Variants in C6orf132 observed in about 807,000 individuals in gnomAD.
C6orf132 encodes the protein chromosome 6 open reading frame 132.
A neutral mutation model predicts 65.3 loss-of-function variants in C6orf132; 43 were observed. The observed-to-expected ratio is 0.66, with a 90% confidence interval of 0.52 to 0.85. The LOEUF (loss-of-function observed/expected upper bound fraction) is 0.85, where lower values mean the gene tolerates loss of function less well. C6orf132 is among the 40% of genes least tolerant of loss of function. The pLI is 0.00. For synonymous variants in C6orf132, 631 were observed against 654.1 expected, an observed-to-expected ratio of 0.96 and a Z score of 0.54; for missense variants, 1,488 against 1,548.8, an observed-to-expected ratio of 0.96 and a Z score of 0.66.
chr6:42,118,666 C>T (rs1004176307), intron 2 of C6orf132, among the ~76,000 whole-genome samples: 2 of 152,046 alleles, frequency 1.3e-5, no homozygotes, highest in Non-Finnish European at 2.9e-5. Flanking sequence ...GGGCAGCCGG[C>T]CACAGCCACT....
chr6:42,119,275 A>AAAG (rs1562037439), intron 2 of C6orf132, among the ~76,000 whole-genome samples: 2 of 128,090 alleles, frequency 1.6e-5, no homozygotes, highest in Middle Eastern at 4.1e-3. Flanking sequence ...AAAAAAAAAA[A>AAAG]GGGAGAATTC....
At chr6:42,115,284 C>G (rs28870778) in intron 2 of C6orf132, among the ~76,000 whole-genome samples, 14,468 of 132,964 alleles carry the variant, frequency 0.11, 819 homozygotes, top group Middle Eastern at 0.14. Flanking sequence ...AGTAAGACTC[C>G]ATCTCAAAAA....
intron 2 of C6orf132, 85 bp from the exon 3 acceptor site, chr6:42,110,376 G>A (rs1766476096): frequency 3.7e-6 from 4 of 1,089,218 alleles, no homozygotes; most frequent in Non-Finnish European, 3.9e-6. Context: ...CCATTTTACT[G>A]CTTGAAAATC....
intron 1 of C6orf132, among the ~76,000 whole-genome samples, chr6:42,137,522 C>T (rs1766962979): frequency 1.3e-5 from 2 of 152,076 alleles, no homozygotes. Context: ...GGTCAGGAGA[C>T]CCAGGGAACA....
At position 42,106,224 on chromosome 6, in the gene C6orf132, A is replaced by T; in HGVS notation, c.1688T>A (p.Val563Glu). Residue 563 changes from valine (V) to glutamate (E), a missense_variant, in exon 4 of 5, where the codon GTG becomes GAG. By Grantham distance (121) the Val-to-Glu change is moderately radical. Transcript: ENST00000341865. ...CTCCAGCTCATTCCGGATCTGCCGC[A>T]CACTGGGAGTTGGAGAGTCTTGGGG... The part of the protein sequence containing the change: ...YIPQDSPTPS[V>E]RQIRNELEAR... 6.5e-7 allele frequency: 1 copy of T among 1,537,192 alleles called. No individual in the cohort carries two copies. The highest frequency in any genetic ancestry group is 1.4e-5 in the African/African-American group (1 of 73,168).
Position 42,105,475 on chromosome 6 carries a change from G to A in C6orf132, c.2437C>T (p.Pro813Ser), listed in dbSNP as rs991408405. Reference sequence around the variant, plus strand: ...TCAGTGGGCTGGGCCGAGGCAGGAGGCTTGGCTGGCAGCCCTGGGGGCTCC... The same window carrying A: ...TCAGTGGGCTGGGCCGAGGCAGGAGACTTGGCTGGCAGCCCTGGGGGCTCC... ...VKEPPGLPAK[P>S]PASAQPTDEL... The change falls in exon 4 of 5, where the codon CCT becomes TCT. Residue 813 changes from proline to serine, a missense_variant. Pro to Ser is a moderately conservative substitution (Grantham distance 74, BLOSUM62 -1). Transcript: ENST00000341865. The A allele has an allele frequency of 2.6e-6, 4 of 1,533,784 alleles. No individual in the cohort carries two copies. In the Admixed American group the frequency reaches 7.8e-5, roughly 30 times the overall value.
chr6:42,124,352 G>A lies in C6orf132; in HGVS notation c.252+4320C>T, dbSNP rs982033606. Among the ~76,000 whole-genome samples the A allele has an allele frequency of 2.6e-5, 4 of 152,318 alleles. No individual in the cohort carries two copies. The highest frequency in any genetic ancestry group is 1.9e-4 in the East Asian group (1 of 5,180). ...GAACTCTGGGGAAGGGGGCAGAAGC[G>A]CCTGTTGCTGCCTTGTCTCCTTCTC... On this transcript the variant is annotated intron_variant, in intron 2 of 4. Transcript: ENST00000341865. This position sits in a 1 kb window ranked among gnomAD's most constrained non-coding sequence, Gnocchi z 4.0.
At position 42,107,369 on chromosome 6, in the gene C6orf132, TGGGGGTTCCAGCAGCAGGGGAGGTGGTG is replaced by T; in HGVS notation, c.515_542del (p.Pro172HisfsTer44). The T allele has an allele frequency of 1.2e-5, 2 of 173,886 alleles. No homozygotes were observed. The highest frequency in any genetic ancestry group is 2.3e-5 in the Non-Finnish European group (2 of 86,798). The allele number at this position is 173,886 out of a possible 1,614,324, so 10.8% of individuals were successfully genotyped here. A position where few individuals can be genotyped will look rare whatever the true frequency, so the allele number is the denominator to read the frequency against. ...GAGGTGGGGCCATGCTGGGCGGGGG[TGGGGGTTCCAGCAGCAGGGGAGGTGGTG>T]GGGGTGCTGTGGAAGGTGGAGATGG... On this transcript the variant is annotated frameshift_variant, in exon 4 of 5. Transcript: ENST00000341865. LOFTEE classifies it high-confidence loss of function.
intron 2 of C6orf132, among the ~76,000 whole-genome samples, chr6:42,114,466 T>G (rs1260794500): frequency 6.6e-6 from 1 of 152,232 alleles, no homozygotes; most frequent in Non-Finnish European, 1.5e-5. Flanking sequence ...TACTTAGCTG[T>G]CCCTTTCACT....
In C6orf132 at chr6:42,106,293, GTC is replaced by G; in HGVS notation, c.1617_1618del (p.Glu539AspfsTer30). 1 of 1,536,728 alleles carries G rather than the reference GTC, an allele frequency of 6.5e-7. No homozygotes were observed. The highest frequency in any genetic ancestry group is 2.0e-5 in the Admixed American group (1 of 50,994). On this transcript the variant is annotated frameshift_variant, in exon 4 of 5. Coordinates refer to ENST00000341865, the MANE Select transcript of C6orf132 (RefSeq NM_001164446.3). LOFTEE classifies it high-confidence loss of function. ...CAGGGTCAGGCTGGGGGCAGCCTCT[GTC>G]TCTGTCAGGCTGCTGCCGCCAAGAC...
chr6:42,137,711 G>A (rs9471782), intron 1 of C6orf132, among the ~76,000 whole-genome samples: 27,981 of 151,760 alleles, frequency 0.18, 2,750 homozygotes, highest in Middle Eastern at 0.25. Context: ...ATATCTTCCC[G>A]CACAAAACAA....
At chr6:42,109,557 C>G (rs1460439141) in intron 3 of C6orf132, among the ~76,000 whole-genome samples, 1 of 152,102 alleles carries the variant, frequency 6.6e-6, no homozygotes, top group Non-Finnish European at 1.5e-5. Flanking sequence ...GCATTCTAAC[C>G]TGAGAGGTCT....
At chr6:42,129,726 T>A (rs957926930) in intron 1 of C6orf132, among the ~76,000 whole-genome samples, 1 of 152,214 alleles carries the variant, frequency 6.6e-6, no homozygotes, top group Non-Finnish European at 1.5e-5. Flanking sequence ...CAGGGATCGC[T>A]GTGGCCCTCC....
chr6:42,129,052 G>A (rs1325640604), intron 1 of C6orf132, among the ~76,000 whole-genome samples: 3 of 152,228 alleles, frequency 2.0e-5, no homozygotes, highest in Non-Finnish European at 4.4e-5. Context: ...CCACCACGCT[G>A]TACCGTCCTG....
In C6orf132 at chr6:42,107,352, G is replaced by T. The variant is rs1766429368; in HGVS notation, c.560C>A (p.Ala187Asp). 7 of 802,910 alleles carry T rather than the reference G, an allele frequency of 8.7e-6. No individual in the cohort carries two copies. Among genetic ancestry groups the T allele is most frequent in the Non-Finnish European group, 1.3e-5 (7 of 554,700 alleles). The allele number at this position is 802,910 out of a possible 1,614,324, so 49.7% of individuals were successfully genotyped here. A position where few individuals can be genotyped will look rare whatever the true frequency, so the allele number is the denominator to read the frequency against. ...CTCCAATACTGGGGGTGGAGGTGGG[G>T]CCATGCTGGGCGGGGGTGGGGGTTC... ...LLEPPPPPSM[A>D]PPPPPVLEAL... The change falls in exon 4 of 5, where the codon GCC becomes GAC. Residue 187 changes from alanine to aspartate, a missense_variant. Transcript: ENST00000341865.
At chr6:42,119,248 C>CAAAAAAAAAAAAAAAAAAAAAAAAAAAAA (rs1156356191) in intron 2 of C6orf132, among the ~76,000 whole-genome samples, 1 of 44,776 alleles carries the variant, frequency 2.2e-5, no homozygotes, top group African/African-American at 9.8e-5. Flanking sequence ...GACTCTGTCT[C>CAAAAAAAAAAAAAAAAAAAAAAAAAAAAA]AAAAAAAAAA....
rs201270853 is a variant in C6orf132, at chr6:42,106,633, G to A, written c.1279C>T (p.Pro427Ser). The change falls in exon 4 of 5, where the codon CCT becomes TCT. Residue 427 changes from proline to serine, a missense_variant. By Grantham distance (74) the Pro-to-Ser change is moderately conservative. Coordinates refer to ENST00000341865, the MANE Select transcript of C6orf132 (RefSeq NM_001164446.3). Reference protein sequence around the residue: ...LPCAQKAAHPPAGFTKTPKSS... With the variant: ...LPCAQKAAHPSAGFTKTPKSS... ...TTAGGGGTTTTTGTAAACCCAGCAG[G>A]TGGATGGGCTGCCTTCTGAGCACAG... is the stretch of plus-strand genomic sequence containing the variant. 10,937 of 1,534,482 alleles carry A rather than the reference G, an allele frequency of 7.1e-3. 73 individuals carry two copies. The highest frequency in any genetic ancestry group is 8.3e-3 in the Non-Finnish European group (9,541 of 1,146,492).
Position 42,105,993 on chromosome 6 carries a change from G to A in C6orf132, c.1919C>T (p.Ala640Val). ...CTCAGGTGTGGCCTTGGGTGGTATG[G>A]CTGGTCCCAACATAGCCTTGGGCTG... is the stretch of plus-strand genomic sequence containing the variant. ...SLQPKAMLGP[A>V]IPPKATPEPA... Residue 640 changes from alanine to valine, a missense_variant, in exon 4 of 5, where the codon GCC (alanine) becomes GTC (valine). By Grantham distance (64) the Ala-to-Val change is moderately conservative. Transcript: ENST00000341865. 1 of 1,537,252 alleles carries A rather than the reference G, an allele frequency of 6.5e-7. No homozygotes were observed. Among genetic ancestry groups the A allele is most frequent in the Non-Finnish European group, 8.7e-7 (1 of 1,146,888 alleles).
chr6:42,142,542 C>T lies in C6orf132; in HGVS notation c.-98G>A. 8 of 1,266,654 alleles carry T rather than the reference C, an allele frequency of 6.3e-6. No individual in the cohort carries two copies. The highest frequency in any genetic ancestry group is 8.4e-6 in the Non-Finnish European group (8 of 957,006). 78.5% of individuals were successfully genotyped at this position (1,266,654 alleles called of 1,614,324 possible). A position where few individuals can be genotyped will look rare whatever the true frequency, so the allele number is the denominator to read the frequency against. On this transcript the variant is annotated 5_prime_UTR_variant, in exon 1 of 5. The change creates a premature stop within an existing upstream ORF in the 5' untranslated region. Coordinates refer to ENST00000341865, the MANE Select transcript of C6orf132 (RefSeq NM_001164446.3). ...AGCACGGTCTCCCCAGGGGACTCTA[C>T]CAGGCCATGTCCCCCGCCGTCCTCC...
Sources: allele counts gnomAD v4.1 joint callset (sites outside exome capture counted in the v4.1 genomes callset), GRCh38; gene constraint gnomAD v4.1.1; non-coding constraint Gnocchi (gnomAD v3.1); transcripts MANE v1.5; gene names NCBI Gene and HGNC (gene_info 2026-07-23, HGNC 2026-07-21).